MTREX: variants seen among roughly 807,000 people sequenced by gnomAD.
MTREX encodes Mtr4 exosome RNA helicase, also known as exosome RNA helicase MTR4.
MTREX carries 76 observed loss-of-function variants against 135.4 expected under a neutral mutation model. The ratio of observed to expected loss-of-function variants is 0.56; its 90% CI spans 0.47 to 0.68. MTREX has a LOEUF of 0.68. Among genes scored for constraint, MTREX ranks in the 30% least tolerant of loss-of-function variants. The pLI is 0.00. For synonymous variants in MTREX, 404 were observed against 401.6 expected (o/e 1.01, Z -0.07); for missense variants, 920 against 1,262.1 (o/e 0.73, Z 4.11).
At chr5:55,318,211 C>A (rs561319238) in intron 1 of MTREX, among the ~76,000 whole-genome samples, 45 of 152,222 alleles carry the variant, frequency 3.0e-4, no homozygotes, top group African/African-American at 9.9e-4. Flanking sequence ...GGCAATATGG[C>A]AATTCATCAA....
intron 16 of MTREX, among the ~76,000 whole-genome samples, chr5:55,371,749 GT>G (rs199893884): frequency 8.6e-5 from 13 of 151,260 alleles, no homozygotes; most frequent in East Asian, 1.9e-4. Context: ...CATAAAACCA[GT>G]TTTTTTTTAA....
intron 21 of MTREX, among the ~76,000 whole-genome samples, chr5:55,405,095 C>T (rs2111601542): frequency 6.6e-6 from 1 of 152,184 alleles, no homozygotes; most frequent in Non-Finnish European, 1.5e-5. Context: ...TTGCGCCCGG[C>T]CTCTGTTCTC....
intron 1 of MTREX, among the ~76,000 whole-genome samples, chr5:55,320,016 A>G (rs1003398408): frequency 1.3e-5 from 2 of 152,202 alleles, no homozygotes; most frequent in Non-Finnish European, 2.9e-5. Context: ...ACTGAGGCCC[A>G]AGGATATTGA....
chr5:55,343,557 T>A (rs1749685119), intron 8 of MTREX, 102 bp downstream of exon 8: 1 of 975,582 alleles, frequency 1.0e-6, no homozygotes, highest in Non-Finnish European at 1.5e-6. Flanking sequence ...TCCAGAATAA[T>A]AAAAAAAACA....
intron 16 of MTREX, among the ~76,000 whole-genome samples, chr5:55,375,355 G>T (rs1180741705): frequency 1.3e-5 from 2 of 152,126 alleles, no homozygotes; most frequent in African/African-American, 4.8e-5. Flanking sequence ...GTACGCCCCA[G>T]GGGGGACAGT....
chr5:55,395,664 A>G (rs1364662567), intron 19 of MTREX, among the ~76,000 whole-genome samples: 1 of 152,218 alleles, frequency 6.6e-6, no homozygotes, highest in Non-Finnish European at 1.5e-5. Flanking sequence ...AAAGTGATCA[A>G]CATTATCTCT....
chr5:55,308,263 G>A, intron 1 of MTREX, 116 bp downstream of exon 1: 2 of 1,274,572 alleles, frequency 1.6e-6, no homozygotes, highest in Admixed American at 6.3e-5. Context: ...GGCGTTGGAA[G>A]TGAAGGGGTT....
At chr5:55,418,062 G>A (rs541484619) in intron 25 of MTREX, among the ~76,000 whole-genome samples, 35 of 151,236 alleles carry the variant, frequency 2.3e-4, no homozygotes, top group Non-Finnish European at 4.4e-4. Flanking sequence ...GTGAAACCCC[G>A]TCTCTACAAA....
chr5:55,343,699 C>G (rs1380204019), intron 8 of MTREX, among the ~76,000 whole-genome samples: 1 of 152,186 alleles, frequency 6.6e-6, no homozygotes, highest in East Asian at 1.9e-4. Flanking sequence ...GCCTTGGGAA[C>G]TCCAATTTTA....
At chr5:55,330,693 A>T (rs1749462236) in intron 5 of MTREX, among the ~76,000 whole-genome samples, 1 of 147,414 alleles carries the variant, frequency 6.8e-6, no homozygotes, top group Non-Finnish European at 1.5e-5. Flanking sequence ...CTTATACTTG[A>T]GTTTGTAGGG....
chr5:55,322,622 T>C (rs1313212345), intron 2 of MTREX, among the ~76,000 whole-genome samples, 158 bp downstream of exon 2: 1 of 152,208 alleles, frequency 6.6e-6, no homozygotes, highest in Admixed American at 6.5e-5. Flanking sequence ...TGTAGAACAC[T>C]TACCTAAGTT....
chr5:55,418,000 C>T (rs894389246), intron 25 of MTREX, among the ~76,000 whole-genome samples: 6 of 150,608 alleles, frequency 4.0e-5, no homozygotes, highest in Non-Finnish European at 7.4e-5. Flanking sequence ...TTTGGGAGGC[C>T]GAGGCGGGCG....
rs571164612 is a variant in MTREX, at chr5:55,421,373, TC to T, written c.2972-1504del. 4.8e-4 allele frequency among the ~76,000 whole-genome samples: 73 copies of T among 152,352 alleles called. No individual in the cohort carries two copies. In the East Asian group the frequency reaches 0.014, roughly 29 times the overall value. On this transcript the variant is annotated intron_variant, in intron 25 of 26. Coordinates refer to ENST00000230640, the MANE Select transcript of MTREX (RefSeq NM_015360.5). The stretch of plus-strand genomic sequence containing the variant: ...ATACCCAGTGATTTGTTGATGAGAC[TC>T]TGTGGGCAACAACCACAGTCATTGT...
At chr5:55,396,262 G>C (rs1750644031) in intron 19 of MTREX, among the ~76,000 whole-genome samples, 1 of 152,124 alleles carries the variant, frequency 6.6e-6, no homozygotes, top group African/African-American at 2.4e-5. Context: ...TATGATCCTT[G>C]GCTGGACCCT....
intron 18 of MTREX, among the ~76,000 whole-genome samples, chr5:55,381,008 C>T (rs1257183180): frequency 6.6e-6 from 1 of 152,136 alleles, no homozygotes; most frequent in East Asian, 1.9e-4. Flanking sequence ...ATTACTAAGT[C>T]AATTTCTACT....
intron 7 of MTREX, 81 bp downstream of exon 7, chr5:55,341,852 T>G: frequency 1.5e-6 from 1 of 682,308 alleles, no homozygotes; most frequent in East Asian, 2.8e-5. Flanking sequence ...TTGTTAAACT[T>G]TGCTTCTAGT....
chr5:55,363,461 C>G (rs1186136906), intron 15 of MTREX, among the ~76,000 whole-genome samples: 1 of 152,096 alleles, frequency 6.6e-6, no homozygotes, highest in East Asian at 1.9e-4. Context: ...AGGAATTCTT[C>G]GAAGTTTTCC....
chr5:55,369,967 G>A (rs566700361), intron 16 of MTREX, among the ~76,000 whole-genome samples: 1 of 149,126 alleles, frequency 6.7e-6, no homozygotes, highest in Non-Finnish European at 1.5e-5. Flanking sequence ...CTATTGCCCA[G>A]GCAATGGCAA....
intron 21 of MTREX, among the ~76,000 whole-genome samples, chr5:55,404,758 T>G (rs1750775193): frequency 6.6e-6 from 1 of 151,766 alleles, no homozygotes; most frequent in Non-Finnish European, 1.5e-5. Context: ...GCCTTCCTCC[T>G]TACCTCTCTC....
Sources: allele counts gnomAD v4.1 joint callset (sites outside exome capture counted in the v4.1 genomes callset), GRCh38; gene constraint gnomAD v4.1.1; transcripts MANE v1.5; gene names NCBI Gene and HGNC (gene_info 2026-07-23, HGNC 2026-07-21).